Variants in MPZL3 observed in about 807,000 individuals in gnomAD.
MPZL3 encodes myelin protein zero-like protein 3.
Under a neutral mutation model 24.8 loss-of-function variants are expected in MPZL3, and 23 were observed. The ratio of observed to expected loss-of-function variants is 0.93; its 90% CI spans 0.67 to 1.31. The LOEUF (loss-of-function observed/expected upper bound fraction) is 1.31. MPZL3 is among the 40% of genes most tolerant of loss of function. The probability of loss-of-function intolerance (pLI) is 0.00; values close to 1 mark genes in which losing one functional copy is unlikely to be tolerated. For synonymous variants in MPZL3, 99 were observed against 106.5 expected (o/e 0.93, Z 0.44); for missense variants, 277 against 294.9 (o/e 0.94, Z 0.44).
intron 4 of MPZL3, among the ~76,000 whole-genome samples, chr11:118,234,047 A>T (rs1229213799): frequency 6.6e-6 from 1 of 152,164 alleles, no homozygotes; most frequent in Non-Finnish European, 1.5e-5. Flanking sequence ...CCCTTAAAGC[A>T]CAGTTGTTAG....
At chr11:118,236,752 T>C (rs1012560937) in intron 3 of MPZL3, among the ~76,000 whole-genome samples, 12 of 152,106 alleles carry the variant, frequency 7.9e-5, no homozygotes, top group Non-Finnish European at 1.0e-4. Context: ...CAACCCTATA[T>C]TTACTCAGGG....
In MPZL3 at chr11:118,227,472, G is replaced by A. The variant is rs1949285134; in HGVS notation, c.*2422C>T. ...GTACACTGCTTTGTGATCCTTCGAA[G>A]AATAAAAAGCTGTAACCCAAATCTC... On this transcript the variant is annotated 3_prime_UTR_variant, in exon 6 of 6. Coordinates refer to ENST00000278949, the MANE Select transcript of MPZL3 (RefSeq NM_198275.3). 1 of 152,174 alleles carries A rather than the reference G, an allele frequency of 6.6e-6. No individual in the cohort carries two copies. Among genetic ancestry groups the A allele is most frequent in the Non-Finnish European group, 1.5e-5 (1 of 68,034 alleles). The allele number at this position is 152,174 out of a possible 1,614,324, so 9.4% of individuals were successfully genotyped here.
Position 118,227,966 on chromosome 11 carries a change from G to A in MPZL3, c.*1928C>T, listed in dbSNP as rs1230145600. The A allele has an allele frequency of 6.6e-6, 1 of 152,146 alleles. No homozygotes were observed. The highest frequency in any genetic ancestry group is 1.5e-5 in the Non-Finnish European group (1 of 68,034). 9.4% of individuals were successfully genotyped at this position (152,146 alleles called of 1,614,324 possible). ...CTCAAGTTGCTTTCCTCTCTCTGTT[G>A]AGGTGTCAGAAATGGTCACGTTAGA... On this transcript the variant is annotated 3_prime_UTR_variant, in exon 6 of 6. Transcript: ENST00000278949.
intron 2 of MPZL3, among the ~76,000 whole-genome samples, chr11:118,239,491 C>G (rs932127899): frequency 3.3e-5 from 5 of 152,162 alleles, no homozygotes; most frequent in African/African-American, 1.2e-4. Flanking sequence ...TGAATAACAT[C>G]TATCCTGAGC....
At chr11:118,250,725 C>T (rs564044985) in intron 1 of MPZL3, among the ~76,000 whole-genome samples, 34 of 152,034 alleles carry the variant, frequency 2.2e-4, no homozygotes, top group African/African-American at 7.0e-4. Context: ...GGATTACAGG[C>T]GCCCGCCACC....
intron 1 of MPZL3, among the ~76,000 whole-genome samples, chr11:118,247,618 C>T (rs1021843567): frequency 6.6e-6 from 1 of 151,930 alleles, no homozygotes; most frequent in African/African-American, 2.4e-5. Context: ...TTTAATGCCC[C>T]CCACCCCACA....
intron 5 of MPZL3, among the ~76,000 whole-genome samples, chr11:118,231,265 C>T (rs1322418156): frequency 6.6e-6 from 1 of 152,196 alleles, no homozygotes; most frequent in African/African-American, 2.4e-5. Context: ...CAGTTGATCA[C>T]TCTCTTTTCC....
At chr11:118,246,269 A>G (rs1415908348) in intron 1 of MPZL3, among the ~76,000 whole-genome samples, 2 of 152,184 alleles carry the variant, frequency 1.3e-5, no homozygotes, top group African/African-American at 4.8e-5. Flanking sequence ...TAACAGGATA[A>G]TGATTTCCCA....
chr11:118,248,649 G>A (rs1403443440), intron 1 of MPZL3, among the ~76,000 whole-genome samples: 2 of 142,970 alleles, frequency 1.4e-5, no homozygotes, highest in African/African-American at 5.2e-5. Flanking sequence ...TTCAGGGCTG[G>A]TGAAAAAAAA....
At chr11:118,239,479 C>G (rs1182619884) in intron 2 of MPZL3, among the ~76,000 whole-genome samples, 1 of 152,160 alleles carries the variant, frequency 6.6e-6, no homozygotes, top group African/African-American at 2.4e-5. Context: ...CATTCACATT[C>G]TTGAATAACA....
chr11:118,235,410 C>G lies in MPZL3; in HGVS notation c.617+14G>C, dbSNP rs756625285. ...GGAAACAGGCTTGCTGCCCAGGGCT[C>G]CTGCTGGACTTACTCATCGGAAACC... On this transcript the variant is annotated intron_variant, in intron 4 of 5. Transcript: ENST00000278949. The G allele has an allele frequency of 6.2e-7, 1 of 1,612,542 alleles. No homozygotes were observed. Among genetic ancestry groups the G allele is most frequent in the Non-Finnish European group, 8.5e-7 (1 of 1,179,318 alleles).
chr11:118,243,325 G>A (rs534848385), intron 1 of MPZL3, among the ~76,000 whole-genome samples: 1 of 152,090 alleles, frequency 6.6e-6, no homozygotes, highest in African/African-American at 2.4e-5. Flanking sequence ...CATGAAACTC[G>A]AGGCCATATA....
intron 3 of MPZL3, among the ~76,000 whole-genome samples, chr11:118,236,461 C>A (rs975401419): frequency 6.6e-6 from 1 of 152,010 alleles, no homozygotes; most frequent in Non-Finnish European, 1.5e-5. Context: ...TATAATGACC[C>A]ATAATGTACC....
intron 1 of MPZL3, among the ~76,000 whole-genome samples, chr11:118,249,966 C>T (rs1418141089): frequency 1.3e-5 from 2 of 151,670 alleles, no homozygotes; most frequent in African/African-American, 4.9e-5. Flanking sequence ...ACCAAAAGCA[C>T]ATATTGTGTA....
At position 118,233,470 on chromosome 11, in the gene MPZL3, G is replaced by A. The variant is rs145005009; in HGVS notation, c.671C>T (p.Ala224Val). The change falls in exon 5 of 6, where the codon GCT becomes GTT. Residue 224 changes from alanine (A) to valine (V), a missense_variant. Transcript: ENST00000278949. ...ACMARLCVRC[A>V]ECLDSDYEET... ...ATGGCATGCACTTACCAGGCACTCA[G>A]CGCAACGGACACAAAGCCTCGCCAT... 13 of 1,613,878 alleles carry A rather than the reference G, an allele frequency of 8.1e-6. No homozygotes were observed. The African/African-American group carries it at 1.7e-4, about 22-fold the overall frequency.
chr11:118,237,618 G>A (rs915752774), intron 2 of MPZL3, among the ~76,000 whole-genome samples: 58 of 152,176 alleles, frequency 3.8e-4, no homozygotes, highest in Middle Eastern at 6.8e-3. Flanking sequence ...GGTAGGGGCC[G>A]GGAATGCTAC....
At position 118,240,242 on chromosome 11, in the gene MPZL3, T is replaced by C. The variant is rs371358597; in HGVS notation, c.209A>G (p.Tyr70Cys). The C allele has an allele frequency of 5.3e-5, 84 of 1,574,768 alleles. 1 individual carries two copies. The highest frequency in any genetic ancestry group is 6.7e-5 in the Non-Finnish European group (78 of 1,166,376). Residue 70 changes from tyrosine to cysteine, a missense_variant, in exon 2 of 6, where the codon TAT becomes TGT. By Grantham distance (194) the Tyr-to-Cys change is radical. Coordinates refer to ENST00000278949, the MANE Select transcript of MPZL3 (RefSeq NM_198275.3). ...VTDKLTIDWT[Y>C]RPPSSSHTVS... ...TGTGTGGCTGCTGCTGGGAGGGCGA[T>C]ATGTCCAGTCTATAGTAAGTTTGTC... is the stretch of plus-strand genomic sequence containing the variant.
intron 1 of MPZL3, among the ~76,000 whole-genome samples, chr11:118,248,303 C>T (rs567865587): frequency 7.9e-5 from 12 of 152,070 alleles, no homozygotes; most frequent in East Asian, 3.9e-4. Flanking sequence ...CGTGAGCCAC[C>T]GTGCCCAGCC....
intron 1 of MPZL3, among the ~76,000 whole-genome samples, chr11:118,245,129 G>A (rs1027377492): frequency 6.6e-6 from 1 of 151,972 alleles, no homozygotes; most frequent in Non-Finnish European, 1.5e-5. Context: ...AAGGAATCAA[G>A]AGTGAATATG....
Sources: gnomAD v4.1 joint callset for allele counts (sites outside exome capture counted in the v4.1 genomes callset) on GRCh38, gnomAD v4.1.1 for gene constraint, MANE v1.5 for transcripts, NCBI Gene and HGNC (gene_info 2026-07-23, HGNC 2026-07-21) for gene names.